ST3GAL5: variants seen among roughly 807,000 people sequenced by gnomAD.
ST3GAL5 encodes the protein lactosylceramide alpha-2,3-sialyltransferase.
A neutral mutation model predicts 46.1 loss-of-function variants in ST3GAL5; 25 were observed. The ratio of observed to expected loss-of-function variants is 0.54; its 90% CI spans 0.40 to 0.76. ST3GAL5 has a LOEUF of 0.76. Ranked by LOEUF, ST3GAL5 falls within the 30% of genes least tolerant of loss-of-function variation. ST3GAL5 has a pLI of 0.00. For synonymous variants in ST3GAL5, 182 were observed against 192.7 expected, an observed-to-expected ratio of 0.94 and a Z score of 0.46; for missense variants, 431 against 521.2, an observed-to-expected ratio of 0.83 and a Z score of 1.69.
chr2:85,887,168 T>TC (rs1258481681), intron 1 of ST3GAL5, among the ~76,000 whole-genome samples: 2 of 152,148 alleles, frequency 1.3e-5, no homozygotes, highest in Admixed American at 1.3e-4. Flanking sequence ...CTGCAAATAG[T>TC]CCCACAAGGC....
chr2:85,844,587 C>T (rs372770726), intron 5 of ST3GAL5, 33 bp from the exon 6 acceptor site: 2 of 1,613,314 alleles, frequency 1.2e-6, no homozygotes, highest in Non-Finnish European at 1.7e-6. Flanking sequence ...TGTTAGTCAT[C>T]CTTCTAGGGG....
chr2:85,877,811 C>A (rs887244397), intron 1 of ST3GAL5, among the ~76,000 whole-genome samples: 9 of 151,934 alleles, frequency 5.9e-5, no homozygotes, highest in Admixed American at 5.2e-4. Context: ...AGGTGATGAA[C>A]AAAAATTAAC....
intron 2 of ST3GAL5, among the ~76,000 whole-genome samples, chr2:85,861,704 A>G (rs1684755880): frequency 6.6e-6 from 1 of 151,882 alleles, no homozygotes; most frequent in Non-Finnish European, 1.5e-5. Flanking sequence ...CGTCTAAAGA[A>G]TTCTACCCGG....
intron 1 of ST3GAL5, among the ~76,000 whole-genome samples, chr2:85,864,047 G>A (rs1220032666): frequency 6.6e-6 from 1 of 152,158 alleles, no homozygotes; most frequent in African/African-American, 2.4e-5. Context: ...TAGAAAGGGA[G>A]AACAGACTAG....
intron 1 of ST3GAL5, among the ~76,000 whole-genome samples, chr2:85,873,506 C>T (rs542390042): frequency 2.4e-4 from 36 of 152,200 alleles, no homozygotes; most frequent in Non-Finnish European, 4.1e-4. Flanking sequence ...GCTACCACAG[C>T]ACTCTGGGCA....
chr2:85,852,921 G>A lies in ST3GAL5; in HGVS notation c.319-4717C>T, dbSNP rs114207176. On this transcript the variant is annotated intron_variant, in intron 3 of 6. Coordinates refer to ENST00000638572, the MANE Select transcript of ST3GAL5 (RefSeq NM_003896.4). Reference sequence around the variant, plus strand: ...GCAGCACTAAGGAGAGAAAAGACTCGGTTTGAAGATGCTGGTGCCTGGGCT... The same window carrying A: ...GCAGCACTAAGGAGAGAAAAGACTCAGTTTGAAGATGCTGGTGCCTGGGCT... 4,372 of 1,301,950 alleles carry A rather than the reference G, an allele frequency of 3.4e-3. 9 individuals carry two copies. The highest frequency in any genetic ancestry group is 4.1e-3 in the Non-Finnish European group (4,065 of 988,942). The allele number at this position is 1,301,950 out of a possible 1,614,324, so 80.6% of individuals were successfully genotyped here.
chr2:85,846,620 G>T, intron 4 of ST3GAL5, 57 bp from the exon 5 acceptor site: 2 of 1,542,094 alleles, frequency 1.3e-6, no homozygotes, highest in Non-Finnish European at 1.8e-6. Flanking sequence ...AACCATCTCT[G>T]TACACCAGGC....
At chr2:85,887,354 C>G (rs1687873080) in intron 1 of ST3GAL5, 2 of 152,220 alleles carry the variant, frequency 1.3e-5, no homozygotes, top group Admixed American at 6.5e-5. Flanking sequence ...CTCAAAATTT[C>G]TGCCTGTCAG....
chr2:85,840,154 C>A lies in ST3GAL5; in HGVS notation c.1247G>T (p.Arg416Leu), dbSNP rs200683924. ...TGAGGTTTTCTGTGTTCAAAATTCA[C>A]GATCAATGCCTCCACTGAGATCTTT... ...VVKDLSGGID[R>L]EF The change falls in exon 7 of 7, where the codon CGT (arginine) becomes CTT (leucine). Residue 416 changes from arginine (R) to leucine (L), a missense_variant. By Grantham distance (102) the Arg-to-Leu change is moderately radical. Coordinates refer to ENST00000638572, the MANE Select transcript of ST3GAL5 (RefSeq NM_003896.4). 5.9e-4 allele frequency: 958 copies of A among 1,614,058 alleles called. 1 individual carries two copies. Among genetic ancestry groups the A allele is most frequent in the Non-Finnish European group, 7.8e-4 (921 of 1,180,042 alleles).
In ST3GAL5 at chr2:85,861,645, TA is replaced by T. The variant is rs3046643; in HGVS notation, c.207-354del. 1.1e-3 allele frequency among the ~76,000 whole-genome samples: 142 copies of T among 123,772 alleles called. 1 individual carries two copies. Among genetic ancestry groups the T allele is most frequent in the South Asian group, 0.011 (39 of 3,686 alleles). The allele number at this position is 123,772 out of a possible 152,430, so 81.2% of individuals were successfully genotyped here. On this transcript the variant is annotated intron_variant, in intron 2 of 6. Coordinates refer to ENST00000638572, the MANE Select transcript of ST3GAL5 (RefSeq NM_003896.4). ...GTGACCTGAAAATTCTGTCAGTCCT[TA>T]AAAAAAAAAAAAAAAAAGAAAAGAA...
chr2:85,887,338 T>A (rs1235918647), intron 1 of ST3GAL5: 4 of 152,234 alleles, frequency 2.6e-5, no homozygotes, highest in Non-Finnish European at 5.9e-5. Flanking sequence ...GTCGTAAATG[T>A]GAGCTCTCAA....
chr2:85,866,419 C>T (rs865782241), intron 1 of ST3GAL5, among the ~76,000 whole-genome samples: 5 of 152,350 alleles, frequency 3.3e-5, no homozygotes, highest in Middle Eastern at 3.4e-3. Context: ...TCAATTTTAT[C>T]GCCTCAAAGC....
intron 3 of ST3GAL5, among the ~76,000 whole-genome samples, chr2:85,857,586 A>T (rs1486901156): frequency 6.6e-6 from 1 of 151,786 alleles, no homozygotes; most frequent in Non-Finnish European, 1.5e-5. Context: ...AGGTTTACCC[A>T]AGGACCTGTG....
chr2:85,853,087 A>C (rs1405812655), intron 3 of ST3GAL5: 1 of 1,304,140 alleles, frequency 7.7e-7, no homozygotes, highest in South Asian at 1.2e-5. Flanking sequence ...GCAGGGAGAT[A>C]AGGTCTTTAG....
intron 6 of ST3GAL5, among the ~76,000 whole-genome samples, chr2:85,844,176 G>A (rs961123010): frequency 1.3e-5 from 2 of 152,150 alleles, no homozygotes; most frequent in Non-Finnish European, 2.9e-5. Flanking sequence ...GTGTTAATGT[G>A]CTGCCTACAC....
chr2:85,844,816 A>G (rs1419841705), intron 5 of ST3GAL5: 1 of 530,150 alleles, frequency 1.9e-6, no homozygotes, highest in East Asian at 3.5e-5. Context: ...TTTGAGGTAG[A>G]CATTCCTCAA....
chr2:85,849,458 C>T (rs1234298018), intron 3 of ST3GAL5: 1 of 151,870 alleles, frequency 6.6e-6, no homozygotes, highest in East Asian at 1.9e-4. Context: ...ACTAAAAATA[C>T]AAAAATTAGC....
At chr2:85,877,993 CAA>C (rs1686764747) in intron 1 of ST3GAL5, among the ~76,000 whole-genome samples, 1 of 152,172 alleles carries the variant, frequency 6.6e-6, no homozygotes, top group Non-Finnish European at 1.5e-5. Flanking sequence ...CTTCAATTCA[CAA>C]AGTGTCCAGT....
At chr2:85,868,425 C>T (rs1685525095) in intron 1 of ST3GAL5, among the ~76,000 whole-genome samples, 1 of 152,050 alleles carries the variant, frequency 6.6e-6, no homozygotes, top group African/African-American at 2.4e-5. Context: ...CCTCAGCCTC[C>T]TGAGTAGCTG....
Sources: allele counts gnomAD v4.1 joint callset (sites outside exome capture counted in the v4.1 genomes callset), GRCh38; gene constraint gnomAD v4.1.1; transcripts MANE v1.5; gene names NCBI Gene and HGNC (gene_info 2026-07-23, HGNC 2026-07-21).